The following KATNIP variants were observed in gnomAD, a reference collection of about 807,000 sequenced individuals.
The protein encoded by KATNIP is katanin-interacting protein.
A neutral mutation model predicts 174.0 loss-of-function variants in KATNIP; 126 were observed. That is an observed-to-expected ratio of 0.72 (90% CI 0.63 to 0.84). The LOEUF is 0.84. Among genes scored for constraint, KATNIP ranks in the 40% least tolerant of loss-of-function variants. The pLI, the probability that KATNIP is intolerant of heterozygous loss-of-function variation, is 0.00. For missense variants in KATNIP, 1,958 were observed against 2,109.7 expected, an observed-to-expected ratio of 0.93 and a Z score of 1.41; for synonymous variants, 810 against 835.7, an observed-to-expected ratio of 0.97 and a Z score of 0.53.
At chr16:27,749,503 CA>C in intron 15 of KATNIP, 80 bp from the exon 16 acceptor site, 12 of 1,469,278 alleles carry the variant, frequency 8.2e-6, no homozygotes, top group Middle Eastern at 2.6e-4. Flanking sequence ...TGAGAGCCAC[CA>C]CAGGAGACAG....
intron 14 of KATNIP, among the ~76,000 whole-genome samples, chr16:27,731,088 G>A (rs2080661216): frequency 6.6e-6 from 1 of 152,132 alleles, no homozygotes; most frequent in Admixed American, 6.5e-5. Context: ...GAGGACCCTG[G>A]CTTGCTTCCT....
At chr16:27,604,265 CTTTTAAAAA>C (rs2075630806) in intron 2 of KATNIP, among the ~76,000 whole-genome samples, 1 of 151,980 alleles carries the variant, frequency 6.6e-6, no homozygotes, top group South Asian at 2.1e-4. Flanking sequence ...TGCCTAGCTA[CTTTTAAAAA>C]TTTTTAGTAG....
At chr16:27,567,094 G>A (rs994017593) in intron 1 of KATNIP, among the ~76,000 whole-genome samples, 4 of 152,130 alleles carry the variant, frequency 2.6e-5, no homozygotes, top group African/African-American at 9.7e-5. Flanking sequence ...AAAGAAGTCA[G>A]TTTGTCCTCC....
intron 12 of KATNIP, among the ~76,000 whole-genome samples, chr16:27,704,905 T>TA: frequency 6.7e-6 from 1 of 149,956 alleles, no homozygotes; most frequent in South Asian, 2.1e-4. Context: ...TTCTTTTTTT[T>TA]CTTTTTTTTT....
chr16:27,735,227 G>C (rs866980887), intron 14 of KATNIP, among the ~76,000 whole-genome samples: 1 of 152,006 alleles, frequency 6.6e-6, no homozygotes, highest in Non-Finnish European at 1.5e-5. Flanking sequence ...CCCTGCCTCC[G>C]CCTGCTTCCC....
In KATNIP at chr16:27,701,990, C is replaced by T. The variant is rs2079119095; in HGVS notation, c.1286+295C>T. ...GTACTTTTTTGTAGAGGGGGTCTCA[C>T]AACGTTGCCCAGGTTGGTCTCCAGC... On this transcript the variant is annotated intron_variant, in intron 11 of 27. Transcript: ENST00000261588. Among the ~76,000 whole-genome samples, 3 of 152,110 alleles carry T rather than the reference C, an allele frequency of 2.0e-5. No individual in the cohort carries two copies. The South Asian group carries it at 6.2e-4, about 31-fold the overall frequency.
intron 6 of KATNIP, among the ~76,000 whole-genome samples, chr16:27,675,685 A>T (rs2078087651): frequency 6.6e-6 from 1 of 152,114 alleles, no homozygotes; most frequent in Admixed American, 6.5e-5. Flanking sequence ...GGAGTCTGAC[A>T]ACCTTTCGTT....
At chr16:27,630,153 A>G (rs2076444612) in intron 4 of KATNIP, among the ~76,000 whole-genome samples, 1 of 152,216 alleles carries the variant, frequency 6.6e-6, no homozygotes, top group South Asian at 2.1e-4. Flanking sequence ...TTACAAGAAG[A>G]TCTGGAATGA....
chr16:27,602,989 G>A (rs545632457), intron 2 of KATNIP, among the ~76,000 whole-genome samples: 21 of 152,232 alleles, frequency 1.4e-4, no homozygotes, highest in Middle Eastern at 6.8e-3. Flanking sequence ...CATGAGCCAC[G>A]GCACCCAGCT....
chr16:27,561,598 C>T (rs564331468), intron 1 of KATNIP, among the ~76,000 whole-genome samples: 10 of 152,310 alleles, frequency 6.6e-5, no homozygotes, highest in South Asian at 2.1e-4. Flanking sequence ...GTAAACGTAG[C>T]GCCTGGCAGG....
chr16:27,684,536 A>G (rs1203729716), intron 8 of KATNIP, among the ~76,000 whole-genome samples: 2 of 152,262 alleles, frequency 1.3e-5, no homozygotes, highest in Non-Finnish European at 2.9e-5. Flanking sequence ...CCATGTATCA[A>G]CTAAAATCAT....
intron 12 of KATNIP, among the ~76,000 whole-genome samples, chr16:27,704,744 A>G (rs2079231479): frequency 6.6e-6 from 1 of 152,158 alleles, no homozygotes; most frequent in Non-Finnish European, 1.5e-5. Flanking sequence ...CTGACTGTAA[A>G]AGGTGATGTT....
At chr16:27,726,124 T>C (rs1333775593) in intron 14 of KATNIP, among the ~76,000 whole-genome samples, 1 of 152,122 alleles carries the variant, frequency 6.6e-6, no homozygotes, top group Non-Finnish European at 1.5e-5. Flanking sequence ...CATGAGATTC[T>C]CATAGGCATG....
intron 21 of KATNIP, among the ~76,000 whole-genome samples, chr16:27,770,729 C>T (rs966868705): frequency 6.6e-6 from 1 of 152,234 alleles, no homozygotes; most frequent in African/African-American, 2.4e-5. Context: ...GCTGTGTGAA[C>T]ACTTTGATGT....
chr16:27,778,464 A>G (rs781488384), intron 27 of KATNIP, 110 bp from the exon 28 acceptor site: 18 of 1,104,818 alleles, frequency 1.6e-5, no homozygotes, highest in Non-Finnish European at 2.0e-5. Context: ...GGACTTTTCC[A>G]AGGGCCTTGA....
chr16:27,556,625 T>A (rs2089639281), intron 1 of KATNIP, among the ~76,000 whole-genome samples: 1 of 152,202 alleles, frequency 6.6e-6, no homozygotes, highest in Non-Finnish European at 1.5e-5. Flanking sequence ...GCCTCACTTG[T>A]CCAAATAATC....
At position 27,618,454 on chromosome 16, in the gene KATNIP, T is replaced by C; in HGVS notation, c.93T>C (p.Phe31=). 6.2e-7 allele frequency: 1 copy of C among 1,613,764 alleles called. No homozygotes were observed. Among genetic ancestry groups the C allele is most frequent in the Non-Finnish European group, 8.5e-7 (1 of 1,179,684 alleles). Residue 31 remains phenylalanine (F), a synonymous_variant, in exon 3 of 28, where the codon TTT becomes TTC. Transcript: ENST00000261588. ...EGYAKDMVTD[F]DEKHDEYLIL... ...ACGCTAAGGACATGGTGACAGACTT[T>C]GATGAGAAACATGATGAGTATTTAA...
intron 16 of KATNIP, among the ~76,000 whole-genome samples, chr16:27,750,568 C>T (rs1264619305): frequency 3.3e-5 from 5 of 151,076 alleles, no homozygotes; most frequent in African/African-American, 7.3e-5. Context: ...TACAGGCACC[C>T]GCCAACACGC....
At position 27,648,732 on chromosome 16, in the gene KATNIP, G is replaced by C. The variant is rs374427375; in HGVS notation, c.537G>C (p.Pro179=). 59 of 1,612,864 alleles carry C rather than the reference G, an allele frequency of 3.7e-5. No individual in the cohort carries two copies. The highest frequency in any genetic ancestry group is 4.7e-5 in the Non-Finnish European group (55 of 1,179,524). ...CAAACAACACTTCTGAGGATCGTCC[G>C]CAGGTAGGGATGGCCTTGGCCTTGT... The part of the protein sequence containing the change: ...LQANNTSEDR[P]QELRRSLELS... Residue 179 remains proline, a synonymous_variant, in exon 6 of 28, where the codon CCG becomes CCC. Coordinates refer to ENST00000261588, the MANE Select transcript of KATNIP (RefSeq NM_015202.5).
Sources: allele counts gnomAD v4.1 joint callset (sites outside exome capture counted in the v4.1 genomes callset), GRCh38; gene constraint gnomAD v4.1.1; transcripts MANE v1.5; gene names NCBI Gene and HGNC (gene_info 2026-07-23, HGNC 2026-07-21).